PLD1: variants seen among roughly 807,000 people sequenced by gnomAD.
The protein encoded by PLD1 is phospholipase D1, also known as choline phosphatase 1.
In PLD1, 112 loss-of-function variants were observed where a neutral mutation model predicts 137.1. The observed-to-expected ratio is 0.82, with a 90% CI of 0.70 to 0.96. PLD1 has a LOEUF of 0.96. PLD1 is among the 40% of genes least tolerant of loss of function. The pLI is 0.00. For missense variants in PLD1, 1,321 were observed against 1,342.0 expected (o/e 0.98, Z 0.24); for synonymous variants, 431 against 454.7 (o/e 0.95, Z 0.66).
intron 16 of PLD1, among the ~76,000 whole-genome samples, chr3:171,678,987 G>GCCCTAGAGAGACCTC (rs141520390): frequency 0.43 from 64,802 of 151,708 alleles, 14,031 homozygotes; most frequent in Non-Finnish European, 0.43. Flanking sequence ...GCTATCACCT[G>GCCCTAGAGAGACCTC]CCATCTCCCC....
chr3:171,645,247 G>T (rs1387822074), intron 21 of PLD1, among the ~76,000 whole-genome samples: 7 of 152,182 alleles, frequency 4.6e-5, no homozygotes, highest in Non-Finnish European at 7.3e-5. Context: ...AAACTTGGCA[G>T]TAAAGTAGAA....
chr3:171,678,661 A>G (rs567083682), intron 16 of PLD1, among the ~76,000 whole-genome samples: 1 of 152,220 alleles, frequency 6.6e-6, no homozygotes, highest in South Asian at 2.1e-4. Context: ...CCACCAACAC[A>G]CTGTCCCAGA....
At chr3:171,623,000 A>G (rs1733765881) in intron 23 of PLD1, among the ~76,000 whole-genome samples, 1 of 152,090 alleles carries the variant, frequency 6.6e-6, no homozygotes, top group South Asian at 2.1e-4. Flanking sequence ...ACTTTTATAA[A>G]GAAAAAGTTA....
rs753220000 is a variant in PLD1 at position 171,674,565 on chromosome 3, T to C, written c.2164A>G (p.Lys722Glu). The change falls in exon 19 of 27, where the codon AAG (lysine) becomes GAG (glutamate). Residue 722 changes from lysine to glutamate, a missense_variant. By Grantham distance (56) the Lys-to-Glu change is moderately conservative. Transcript: ENST00000351298. ...RSLSYPFLLPKSQTTAHELRY... is the reference protein window; with the variant it reads ...RSLSYPFLLPESQTTAHELRY... ...AACTCATGGGCTGTTGTTTGAGACT[T>C]TGGAAGCAGAAAAGGATAAGAAAGG... is the stretch of plus-strand genomic sequence containing the variant. 1.2e-6 allele frequency: 2 copies of C among 1,611,346 alleles called. No individual in the cohort carries two copies. The highest frequency in any genetic ancestry group is 2.2e-5 in the East Asian group (1 of 44,848).
At chr3:171,687,263 C>A in intron 15 of PLD1, 108 bp downstream of exon 15, 1 of 867,444 alleles carries the variant, frequency 1.2e-6, no homozygotes, top group South Asian at 1.6e-5. Flanking sequence ...CAACATTGCT[C>A]ATTCTACTCC....
At chr3:171,754,474 C>T (rs1720876682) in intron 1 of PLD1, among the ~76,000 whole-genome samples, 1 of 152,098 alleles carries the variant, frequency 6.6e-6, no homozygotes, top group Non-Finnish European at 1.5e-5. Context: ...TCAGTCCTGA[C>T]CCCTCAACTT....
intron 18 of PLD1, among the ~76,000 whole-genome samples, chr3:171,675,649 TCC>T (rs1181094978): frequency 6.6e-6 from 1 of 152,126 alleles, no homozygotes; most frequent in Non-Finnish European, 1.5e-5. Flanking sequence ...TTCATCCATC[TCC>T]CCTAAATTTT....
At chr3:171,618,632 T>C (rs1328122105) in intron 24 of PLD1, among the ~76,000 whole-genome samples, 2 of 152,070 alleles carry the variant, frequency 1.3e-5, no homozygotes, top group Admixed American at 1.3e-4. Context: ...GGGGAATAAA[T>C]AAACTCCTAA....
chr3:171,780,418 A>G lies in PLD1; in HGVS notation c.-32+29981T>C, dbSNP rs73176178. On this transcript the variant is annotated intron_variant, in intron 1 of 26. Transcript: ENST00000351298. ...GGCTTTAAACGTGGTAGTTAGCTTT[A>G]AGCAACATATTTTCACCACAGACTG... 4.6e-3 allele frequency among the ~76,000 whole-genome samples: 707 copies of G among 152,318 alleles called. 3 individuals carry two copies. The highest frequency in any genetic ancestry group is 8.0e-3 in the Non-Finnish European group (541 of 68,038).
At position 171,775,256 on chromosome 3, in the gene PLD1, A is replaced by G. The variant is rs190634343; in HGVS notation, c.-32+35143T>C. On this transcript the variant is annotated intron_variant, in intron 1 of 26. Coordinates refer to ENST00000351298, the MANE Select transcript of PLD1 (RefSeq NM_002662.5). The stretch of plus-strand genomic sequence containing the variant: ...TCACATTAGTTATTGCAATATCTCA[A>G]AGTATCATTTCCACTCATCACTATT... 2.5e-3 allele frequency among the ~76,000 whole-genome samples: 382 copies of G among 152,206 alleles called. 5 individuals carry two copies. Among genetic ancestry groups the G allele is most frequent in the Non-Finnish European group, 5.4e-4 (37 of 68,020 alleles).
chr3:171,798,776 T>C (rs1447495727), intron 1 of PLD1, among the ~76,000 whole-genome samples: 2 of 152,330 alleles, frequency 1.3e-5, no homozygotes, highest in African/African-American at 4.8e-5. Context: ...GGCCCAGCTC[T>C]GGACATATTA....
At chr3:171,727,317 G>A (rs141331548) in intron 6 of PLD1, among the ~76,000 whole-genome samples, 25 of 152,158 alleles carry the variant, frequency 1.6e-4, no homozygotes, top group African/African-American at 5.1e-4. Context: ...CAAAGTCAGC[G>A]CCCTCAAAAC....
At position 171,688,997 on chromosome 3, in the gene PLD1, C is replaced by CTTTG. The variant is rs1402891262; in HGVS notation, c.1339-122_1339-121insCAAA. The CTTTG allele has an allele frequency of 4.2e-5, 28 of 665,600 alleles. No homozygotes were observed. The Admixed American group carries it at 6.2e-4, about 15-fold the overall frequency. The allele number at this position is 665,600 out of a possible 1,614,324, so 41.2% of individuals were successfully genotyped here. A position where few individuals can be genotyped will look rare whatever the true frequency, so the allele number is the denominator to read the frequency against. ...ATAATTCAAATACCAAACTGTACAA[C>CTTTG]GTATACACCAAAGAAAATAATTTTA... On this transcript the variant is annotated intron_variant, in intron 13 of 26. Transcript: ENST00000351298.
At chr3:171,701,606 T>C (rs922952911) in intron 11 of PLD1, among the ~76,000 whole-genome samples, 2 of 152,244 alleles carry the variant, frequency 1.3e-5, no homozygotes. Context: ...AGATAGCTCT[T>C]GAGGAGCCCT....
chr3:171,791,413 T>C (rs113101770), intron 1 of PLD1, among the ~76,000 whole-genome samples: 4,239 of 152,278 alleles, frequency 0.028, 119 homozygotes, highest in African/African-American at 0.072. Flanking sequence ...TTCTGGATGC[T>C]CGTGAACATA....
chr3:171,759,513 C>T (rs1037081218), intron 1 of PLD1, among the ~76,000 whole-genome samples: 5 of 151,974 alleles, frequency 3.3e-5, no homozygotes, highest in African/African-American at 9.7e-5. Context: ...ATACTAGTAA[C>T]TTGATGGTTA....
At chr3:171,609,538 ACACACACACACACAC>A (rs1349303278) in intron 25 of PLD1, among the ~76,000 whole-genome samples, 4 of 146,710 alleles carry the variant, frequency 2.7e-5, no homozygotes, top group African/African-American at 1.1e-4. Flanking sequence ...ACACACACAC[ACACACACACACACAC>A]ACCAGAGAAA....
chr3:171,754,590 T>C (rs1305191009), intron 1 of PLD1, among the ~76,000 whole-genome samples: 1 of 152,186 alleles, frequency 6.6e-6, no homozygotes, highest in Non-Finnish European at 1.5e-5. Context: ...TGGAAACCAG[T>C]CTTCTCACCT....
chr3:171,804,853 G>A (rs1723785155), intron 1 of PLD1, among the ~76,000 whole-genome samples: 1 of 152,224 alleles, frequency 6.6e-6, no homozygotes, highest in South Asian at 2.1e-4. Context: ...GAGATGCAAG[G>A]CTTTTTGTAA....
Sources: gnomAD v4.1 joint callset for allele counts (sites outside exome capture counted in the v4.1 genomes callset) on GRCh38, gnomAD v4.1.1 for gene constraint, MANE v1.5 for transcripts, NCBI Gene and HGNC (gene_info 2026-07-23, HGNC 2026-07-21) for gene names.